The following STK39 variants were observed in gnomAD, a reference collection of about 807,000 sequenced individuals.
STK39 encodes STE20/SPS1-related proline-alanine-rich protein kinase.
In STK39, 20 loss-of-function variants were observed where a neutral mutation model predicts 77.8. The ratio of observed to expected loss-of-function variants is 0.26; its 90% CI spans 0.18 to 0.37. STK39 has a LOEUF of 0.37. STK39 is among the 10% of genes least tolerant of loss of function. STK39 has a pLI of 1.00. For missense variants in STK39, 479 were observed against 656.5 expected (o/e 0.73, Z 2.95); for synonymous variants, 246 against 234.1 (o/e 1.05, Z -0.47).
chr2:168,161,987 T>A, intron 4 of STK39, 145 bp from the exon 5 acceptor site: 1 of 599,822 alleles, frequency 1.7e-6, no homozygotes, highest in Non-Finnish European at 2.7e-6. Context: ...GCACAGATTT[T>A]AAAAGTTATA....
At chr2:168,109,679 C>A (rs772967220) in intron 10 of STK39, among the ~76,000 whole-genome samples, 1 of 152,158 alleles carries the variant, frequency 6.6e-6, no homozygotes, top group East Asian at 1.9e-4. Flanking sequence ...TTCACTACTA[C>A]CAGCTGTTAT....
chr2:168,015,376 C>G (rs780175770), intron 15 of STK39, among the ~76,000 whole-genome samples: 20 of 152,208 alleles, frequency 1.3e-4, no homozygotes, highest in Admixed American at 4.6e-4. Flanking sequence ...GTCTAGAATA[C>G]AGACAGCATC....
At chr2:168,013,622 G>C (rs188174299) in intron 15 of STK39, among the ~76,000 whole-genome samples, 1 of 152,170 alleles carries the variant, frequency 6.6e-6, no homozygotes, top group Non-Finnish European at 1.5e-5. Context: ...CTCTAGACGG[G>C]GGTTTGACAG....
intron 16 of STK39, among the ~76,000 whole-genome samples, chr2:167,986,858 T>A (rs1683573248): frequency 6.6e-6 from 1 of 152,016 alleles, no homozygotes; most frequent in African/African-American, 2.4e-5. Context: ...TGAGGCTGAG[T>A]ACGAAGACGA....
Position 168,168,375 on chromosome 2 carries a change from A to G in STK39, c.322-968T>C, listed in dbSNP as rs113316644. Among the ~76,000 whole-genome samples, 368 of 152,318 alleles carry G rather than the reference A, an allele frequency of 2.4e-3. 2 individuals carry two copies. The highest frequency in any genetic ancestry group is 8.2e-3 in the African/African-American group (340 of 41,576). ...CTTCAGTCTAATGTAACTCTCAATCAAAGGTACCAGACCAGTGTAACTCAC... is the reference window on the plus strand; with the variant it reads ...CTTCAGTCTAATGTAACTCTCAATCGAAGGTACCAGACCAGTGTAACTCAC... On this transcript the variant is annotated intron_variant, in intron 2 of 17. Coordinates refer to ENST00000355999, the MANE Select transcript of STK39 (RefSeq NM_013233.3).
intron 14 of STK39, among the ~76,000 whole-genome samples, chr2:168,035,424 CCTTTCT>C (rs1341219645): frequency 6.6e-6 from 1 of 152,100 alleles, no homozygotes; most frequent in Non-Finnish European, 1.5e-5. Flanking sequence ...TTTTTCCTTC[CCTTTCT>C]CTAACAAAAA....
chr2:168,140,534 C>T (rs988860449), intron 6 of STK39, 115 bp downstream of exon 6: 7 of 1,152,394 alleles, frequency 6.1e-6, no homozygotes, highest in Non-Finnish European at 8.9e-6. Flanking sequence ...AGAATTAAAT[C>T]TTAGTTACAT....
chr2:168,216,855 T>G (rs550944175), intron 1 of STK39, among the ~76,000 whole-genome samples: 1 of 152,292 alleles, frequency 6.6e-6, no homozygotes. Flanking sequence ...CCCAGCTTGG[T>G]GACTACCTGC....
At chr2:167,970,672 G>A (rs1692310662) in intron 16 of STK39, among the ~76,000 whole-genome samples, 1 of 152,204 alleles carries the variant, frequency 6.6e-6, no homozygotes, top group African/African-American at 2.4e-5. Flanking sequence ...TTGAGTCCTT[G>A]TGGATGAACT....
In STK39 at chr2:167,955,351, T is replaced by G; in HGVS notation, c.*145A>C. ...AAATTATTTTTTTATCCCATTTTGT[T>G]GAAGCCGGCCTCTTCACAATCTTCT... On this transcript the variant is annotated 3_prime_UTR_variant, in exon 18 of 18. Coordinates refer to ENST00000355999, the MANE Select transcript of STK39 (RefSeq NM_013233.3). 2 of 713,648 alleles carry G rather than the reference T, an allele frequency of 2.8e-6. No homozygotes were observed. Among genetic ancestry groups the G allele is most frequent in the East Asian group, 5.5e-5 (2 of 36,060 alleles). 44.2% of individuals were successfully genotyped at this position (713,648 alleles called of 1,614,324 possible).
At chr2:168,229,286 G>C (rs962933999) in intron 1 of STK39, among the ~76,000 whole-genome samples, 8 of 151,796 alleles carry the variant, frequency 5.3e-5, no homozygotes, top group African/African-American at 1.7e-4. Flanking sequence ...TCCAGAGGCT[G>C]AGGCAGGAGA....
intron 17 of STK39, among the ~76,000 whole-genome samples, chr2:167,960,358 T>C (rs1691916527): frequency 6.8e-6 from 1 of 147,108 alleles, no homozygotes; most frequent in Non-Finnish European, 1.5e-5. Flanking sequence ...ATGTGCTAAA[T>C]TCTAACAGCT....
intron 10 of STK39, among the ~76,000 whole-genome samples, chr2:168,127,169 T>A (rs1687564994): frequency 6.6e-6 from 1 of 152,186 alleles, no homozygotes; most frequent in Admixed American, 6.5e-5. Context: ...GTTGTTGTTT[T>A]GAGACGGGGT....
chr2:168,143,846 T>G (rs1005013897), intron 5 of STK39, among the ~76,000 whole-genome samples: 1 of 152,212 alleles, frequency 6.6e-6, no homozygotes, highest in Non-Finnish European at 1.5e-5. Context: ...TGACTTACTT[T>G]TTATTCCCTG....
At position 168,247,298 on chromosome 2, in the gene STK39, G is replaced by GGCCGGGGCCGGGGCCGCGGGAGCT. The variant is rs1485734825; in HGVS notation, c.114_137dup (p.Ala39_Ala46dup). 2 of 1,030,772 alleles carry GGCCGGGGCCGGGGCCGCGGGAGCT rather than the reference G, an allele frequency of 1.9e-6. No individual in the cohort carries two copies. The highest frequency in any genetic ancestry group is 4.5e-5 in the South Asian group (1 of 22,470). 63.9% of individuals were successfully genotyped at this position (1,030,772 alleles called of 1,614,324 possible). Reference sequence around the variant, plus strand: ...CGACAGCCTGTGCCGCCGGGGCCGGGGCCGGGGCCGGGGCCGCGGGAGCTG... The same window carrying GGCCGGGGCCGGGGCCGCGGGAGCT: ...CGACAGCCTGTGCCGCCGGGGCCGGGGCCGGGGCCGGGGCCGCGGGAGCTGCCGGGGCCGGGGCCGCGGGAGCTG... On this transcript the variant is annotated inframe_insertion, in exon 1 of 18. Transcript: ENST00000355999.
intron 16 of STK39, among the ~76,000 whole-genome samples, chr2:167,980,670 G>C (rs910380157): frequency 6.6e-6 from 1 of 152,128 alleles, no homozygotes; most frequent in African/African-American, 2.4e-5. Context: ...GTCATGTGGA[G>C]GAGGAGAGAG....
At chr2:168,065,953 C>A (rs1685782417) in intron 12 of STK39, among the ~76,000 whole-genome samples, 1 of 151,964 alleles carries the variant, frequency 6.6e-6, no homozygotes, top group African/African-American at 2.4e-5. Context: ...AGGTTACCCC[C>A]AAATTATTTT....
At chr2:167,995,730 A>C (rs539120392) in intron 16 of STK39, among the ~76,000 whole-genome samples, 1 of 152,346 alleles carries the variant, frequency 6.6e-6, no homozygotes, top group African/African-American at 2.4e-5. Context: ...CAGAAATTAA[A>C]GGAGAATGGA....
chr2:168,234,547 G>A (rs546741981), intron 1 of STK39, among the ~76,000 whole-genome samples: 5 of 152,168 alleles, frequency 3.3e-5, no homozygotes, highest in African/African-American at 1.2e-4. Flanking sequence ...TCTATTTCAC[G>A]TACTTTTCTT....
Sources: gnomAD v4.1 joint callset for allele counts (sites outside exome capture counted in the v4.1 genomes callset) on GRCh38, gnomAD v4.1.1 for gene constraint, MANE v1.5 for transcripts, NCBI Gene and HGNC (gene_info 2026-07-23, HGNC 2026-07-21) for gene names.